CNTRL: variants seen among roughly 807,000 people sequenced by gnomAD.
The protein encoded by CNTRL is 110 kDa centrosomal protein.
In CNTRL, 233 loss-of-function variants were observed where a neutral mutation model predicts 303.7. The ratio of observed to expected loss-of-function variants is 0.77; its 90% CI spans 0.69 to 0.86. CNTRL has a LOEUF of 0.86. Among genes scored for constraint, CNTRL ranks in the 40% least tolerant of loss-of-function variants. CNTRL has a pLI of 0.00. For synonymous variants in CNTRL, 900 were observed against 922.2 expected (o/e 0.98, Z 0.44); for missense variants, 2,524 against 2,650.6 (o/e 0.95, Z 1.05).
At chr9:121,169,018 T>C (rs1382498592) in intron 38 of CNTRL, among the ~76,000 whole-genome samples, 1 of 152,238 alleles carries the variant, frequency 6.6e-6, no homozygotes, top group East Asian at 1.9e-4. Context: ...AAGTAAAATC[T>C]GGGCAGGGTG....
chr9:121,078,031 C>T (rs950302593), intron 1 of CNTRL, among the ~76,000 whole-genome samples: 4 of 152,164 alleles, frequency 2.6e-5, no homozygotes, highest in Admixed American at 2.0e-4. Context: ...TAAGATTTTA[C>T]CTAAGCACAT....
chr9:121,134,599 G>C (rs905653463), intron 14 of CNTRL, among the ~76,000 whole-genome samples: 1 of 152,072 alleles, frequency 6.6e-6, no homozygotes, highest in Non-Finnish European at 1.5e-5. Flanking sequence ...CCGGCCCTAA[G>C]GTCCTCTAAT....
chr9:121,097,918 A>G (rs185909162), intron 6 of CNTRL, among the ~76,000 whole-genome samples: 5 of 152,322 alleles, frequency 3.3e-5, no homozygotes, highest in Non-Finnish European at 7.3e-5. Flanking sequence ...AGAATAAACT[A>G]TCTGAATAAA....
Position 121,169,731 on chromosome 9 carries a change from C to CA in CNTRL, c.6192dup (p.Glu2065ArgfsTer6). 1 of 1,614,156 alleles carries CA rather than the reference C, an allele frequency of 6.2e-7. No homozygotes were observed. Among genetic ancestry groups the CA allele is most frequent in the Non-Finnish European group, 8.5e-7 (1 of 1,180,036 alleles). ...AGCCTTCTGCGGAACCAGTTCTTGA[C>CA]AGAAAGAAAGAAAGCTGAGAAGCAG... On this transcript the variant is annotated frameshift_variant, in exon 39 of 44. Coordinates refer to ENST00000373855, the MANE Select transcript of CNTRL (RefSeq NM_007018.6). LOFTEE classifies it high-confidence loss of function.
In CNTRL at chr9:121,142,289, A is replaced by G. The variant is rs113392694; in HGVS notation, c.2871+19A>G. 3.0e-4 allele frequency: 479 copies of G among 1,586,956 alleles called. 3 individuals carry two copies. The African/African-American group carries it at 5.8e-3, about 19-fold the overall frequency. ...GAAAAAGGTAGGGGAGACTTAGAAA[A>G]TGAGACACATAAGTACCTGCTGCCA... On this transcript the variant is annotated intron_variant, in intron 19 of 43. Transcript: ENST00000373855.
intron 32 of CNTRL, among the ~76,000 whole-genome samples, chr9:121,160,854 C>G (rs2052813269): frequency 6.6e-6 from 1 of 152,070 alleles, no homozygotes; most frequent in South Asian, 2.1e-4. Flanking sequence ...TGATGTGCAC[C>G]TATAGTCCCA....
chr9:121,140,840 TGTGA>T, intron 17 of CNTRL, 54 bp downstream of exon 17: 2 of 1,544,134 alleles, frequency 1.3e-6, no homozygotes, highest in Non-Finnish European at 1.8e-6. Flanking sequence ...ACTTGAGAGT[TGTGA>T]GTGTGAGGTT....
intron 39 of CNTRL, 171 bp from the exon 40 acceptor site, chr9:121,171,237 C>T (rs1396021535): frequency 1.4e-6 from 1 of 711,124 alleles, no homozygotes; most frequent in Non-Finnish European, 2.6e-6. Flanking sequence ...GTATATACGC[C>T]CAGCTGTATT....
intron 1 of CNTRL, among the ~76,000 whole-genome samples, chr9:121,075,455 C>T (rs1014749431): frequency 6.6e-6 from 1 of 152,112 alleles, no homozygotes; most frequent in Non-Finnish European, 1.5e-5. Flanking sequence ...ACAGTTTGGG[C>T]GTCCTGACGG....
intron 7 of CNTRL, among the ~76,000 whole-genome samples, chr9:121,101,810 A>G (rs1351550252): frequency 6.6e-6 from 1 of 152,240 alleles, no homozygotes; most frequent in Non-Finnish European, 1.5e-5. Flanking sequence ...GAAGAATTGG[A>G]TAAATTCCTG....
chr9:121,107,255 T>C (rs1466558702), intron 7 of CNTRL, among the ~76,000 whole-genome samples: 2 of 152,032 alleles, frequency 1.3e-5, no homozygotes. Context: ...TAAAAGCCTA[T>C]AGGTGAGAAG....
intron 14 of CNTRL, among the ~76,000 whole-genome samples, chr9:121,133,601 C>T (rs2051003092): frequency 6.6e-6 from 1 of 152,236 alleles, no homozygotes; most frequent in Admixed American, 6.5e-5. Flanking sequence ...CGACGCCTTG[C>T]ATTTCCTGGG....
At position 121,107,933 on chromosome 9, in the gene CNTRL, G is replaced by C; in HGVS notation, c.940G>C (p.Ala314Pro). The change falls in exon 8 of 44, where the codon GCC (alanine) becomes CCC (proline). Residue 314 changes from alanine to proline, a missense_variant. By Grantham distance (27) the Ala-to-Pro change is conservative. Transcript: ENST00000373855. ...ATTGAATAAATCATTAAAAGAGGAG[G>C]CCATGTTACAGAAACAGAGCTGTGA... ...DKLNKSLKEE[A>P]MLQKQSCEEL... 1.9e-6 allele frequency: 3 copies of C among 1,607,232 alleles called. No homozygotes were observed. The highest frequency in any genetic ancestry group is 2.5e-6 in the Non-Finnish European group (3 of 1,177,824).
At chr9:121,115,804 G>T (rs913212791) in intron 11 of CNTRL, among the ~76,000 whole-genome samples, 21 of 152,168 alleles carry the variant, frequency 1.4e-4, no homozygotes, top group African/African-American at 4.8e-4. Flanking sequence ...TAAAAATTAT[G>T]ATGGTAACTA....
At position 121,123,912 on chromosome 9, in the gene CNTRL, A is replaced by AT. The variant is rs553380012; in HGVS notation, c.1651-8dup. 52,338 of 1,237,826 alleles carry AT rather than the reference A, an allele frequency of 0.042. 325 individuals are homozygous for AT. The highest frequency in any genetic ancestry group is 0.047 in the Non-Finnish European group (43,392 of 916,142). 76.7% of individuals were successfully genotyped at this position (1,237,826 alleles called of 1,614,324 possible). A position where few individuals can be genotyped will look rare whatever the true frequency, so the allele number is the denominator to read the frequency against. Reference sequence around the variant, plus strand: ...GTTTAAGGAACTTGGAGTTTTGTTGATTTTTTTTTTTAATTCAGTCCCATA... The same window carrying AT: ...GTTTAAGGAACTTGGAGTTTTGTTGATTTTTTTTTTTTAATTCAGTCCCATA... On this transcript the variant is annotated intron_variant, in intron 12 of 43. Coordinates refer to ENST00000373855, the MANE Select transcript of CNTRL (RefSeq NM_007018.6).
intron 34 of CNTRL, among the ~76,000 whole-genome samples, chr9:121,163,326 A>ATATAT (rs1355979238): frequency 7.3e-6 from 1 of 136,922 alleles, no homozygotes; most frequent in Non-Finnish European, 1.7e-5. Flanking sequence ...TTTCAAAAAA[A>ATATAT]AAATATATAT....
intron 36 of CNTRL, 41 bp from the exon 37 acceptor site, chr9:121,167,448 A>G (rs1447218646): frequency 1.9e-6 from 3 of 1,549,584 alleles, no homozygotes; most frequent in Non-Finnish European, 1.8e-6. Flanking sequence ...TCTAGTAAAG[A>G]TGGCTTTATT....
rs751835398 is a variant in CNTRL, at chr9:121,088,406, T to C, written c.80T>C (p.Met27Thr). 6.2e-7 allele frequency: 1 copy of C among 1,612,514 alleles called. No individual in the cohort carries two copies. Among genetic ancestry groups the C allele is most frequent in the Admixed American group, 1.7e-5 (1 of 60,022 alleles). ...TCTCACTCTCCTATCCCATCATCTA[T>C]GTCCAATATGAGATCTAGGTCACTT... ...SSSHSPIPSS[M>T]SNMRSRSLSP... is the part of the protein sequence containing the mutation. Residue 27 changes from methionine (M) to threonine (T), a missense_variant, in exon 3 of 44, where the codon ATG becomes ACG. Transcript: ENST00000373855.
chr9:121,146,909 T>C (rs2051897092), intron 23 of CNTRL, among the ~76,000 whole-genome samples: 1 of 152,216 alleles, frequency 6.6e-6, no homozygotes, highest in African/African-American at 2.4e-5. Context: ...AGGAGAGTTA[T>C]TGGCTTAGCA....
Sources: allele counts gnomAD v4.1 joint callset (sites outside exome capture counted in the v4.1 genomes callset), GRCh38; gene constraint gnomAD v4.1.1; transcripts MANE v1.5; gene names NCBI Gene and HGNC (gene_info 2026-07-23, HGNC 2026-07-21).